Variants in GTPBP6 observed in about 807,000 individuals in gnomAD.
The protein encoded by GTPBP6 is GTP binding protein 6.
GTPBP6 carries 33 observed loss-of-function variants against 28.9 expected under a neutral mutation model. That is an observed-to-expected ratio of 1.14 (90% CI 0.87 to 1.53). The LOEUF is 1.53. Ranked by LOEUF, GTPBP6 falls within the 40% of genes most tolerant of loss-of-function variation. GTPBP6 has a pLI of 0.00. For missense variants in GTPBP6, 507 were observed against 408.3 expected (o/e 1.24, Z -2.08); for synonymous variants, 231 against 192.7 (o/e 1.20, Z -1.65).
At chrX:314,718 C>G (rs1196930438) in intron 4 of GTPBP6, among the ~76,000 whole-genome samples, 172 bp downstream of exon 4, 1 of 151,964 alleles carries the variant, frequency 6.6e-6, no homozygotes, top group Admixed American at 6.6e-5. Flanking sequence ...CCTCGTGATC[C>G]GCCCACCTCG....
rs375336235 is a variant in GTPBP6 at position 305,141 on chromosome X, G to A, written c.1484C>T (p.Ala495Val). The A allele has an allele frequency of 7.8e-4, 1,265 of 1,613,470 alleles. 9 individuals are homozygous for A. In the African/African-American group the frequency reaches 0.015, roughly 19 times the overall value. Residue 495 changes from alanine to valine, a missense_variant, in exon 10 of 10, where the codon GCG (alanine) becomes GTG (valine). Transcript: ENST00000326153. Reference sequence around the variant, plus strand: ...GCTGATGATGACCCTCACGTCGGCCGCCCCGTCCTCAGGGATCACGTCCAC... The same window carrying A: ...GCTGATGATGACCCTCACGTCGGCCACCCCGTCCTCAGGGATCACGTCCAC...
At chrX:318,164 G>T (rs2070475061) in intron 1 of GTPBP6, among the ~76,000 whole-genome samples, 1 of 143,646 alleles carries the variant, frequency 7.0e-6, no homozygotes, top group African/African-American at 2.6e-5. Flanking sequence ...CTCTACCTAT[G>T]AGCCTCCCCA....
chrX:307,737 C>A (rs749017291), exon 8 of GTPBP6: 3 of 1,480,296 alleles, frequency 2.0e-6, no homozygotes, highest in Middle Eastern at 2.5e-4. Context: ...CTCACCCGGG[C>A]ACGAGGTCCA....
At chrX:314,721 C>T (rs1463689068) in intron 4 of GTPBP6, among the ~76,000 whole-genome samples, 169 bp downstream of exon 4, 6 of 151,986 alleles carry the variant, frequency 3.9e-5, no homozygotes, top group African/African-American at 1.5e-4. Context: ...CGTGATCCGC[C>T]CACCTCGGCC....
At chrX:311,806 G>A (rs1295620395) in intron 6 of GTPBP6, 179 bp from the exon 7 acceptor site, 30 of 626,056 alleles carry the variant, frequency 4.8e-5, no homozygotes, top group South Asian at 3.0e-4. Context: ...CAAAGCCACC[G>A]TCGCTGTTCT....
intron 4 of GTPBP6, among the ~76,000 whole-genome samples, 170 bp downstream of exon 4, chrX:314,719 GC>G (rs1210855919): frequency 1.3e-5 from 2 of 151,906 alleles, no homozygotes; most frequent in Admixed American, 6.6e-5. Context: ...CTCGTGATCC[GC>G]CCACCTCGGC....
At chrX:316,567 G>A (rs2070444558) in intron 2 of GTPBP6, among the ~76,000 whole-genome samples, 1 of 152,206 alleles carries the variant, frequency 6.6e-6, no homozygotes, top group Non-Finnish European at 1.5e-5. Flanking sequence ...GACTGCTGGT[G>A]GGGTGGGGGT....
At chrX:314,593 C>G (rs1303070912) in intron 4 of GTPBP6, among the ~76,000 whole-genome samples, 1 of 152,052 alleles carries the variant, frequency 6.6e-6, no homozygotes, top group Non-Finnish European at 1.5e-5. Context: ...CTGCCTCAGC[C>G]TCCTGAGTAG....
chrX:307,859 C>T (rs774551904), exon 8 of GTPBP6: 4 of 1,536,518 alleles, frequency 2.6e-6, no homozygotes, highest in Admixed American at 2.2e-5. Context: ...TGGCTGACGT[C>T]CCTCACGTGC....
intron 2 of GTPBP6, among the ~76,000 whole-genome samples, chrX:316,278 G>A (rs1301985728): frequency 5.4e-5 from 1 of 18,412 alleles, no homozygotes; most frequent in African/African-American, 1.5e-4. Flanking sequence ...CACACACACA[G>A]TAAATACATC....
At chrX:305,022 C>T in exon 10 of GTPBP6, 1 of 1,600,900 alleles carries the variant, frequency 6.2e-7, no homozygotes, top group Non-Finnish European at 8.5e-7. Flanking sequence ...GGTAACGCCT[C>T]AGCTCCCCAG....
chrX:308,731 ACT>A (rs2070224337), intron 7 of GTPBP6, among the ~76,000 whole-genome samples: 1 of 128,902 alleles, frequency 7.8e-6, no homozygotes, highest in African/African-American at 3.1e-5. Flanking sequence ...GGAAAGTTTT[ACT>A]TTTTTTTTTT....
chrX:314,219 T>C lies in GTPBP6; in HGVS notation c.690-2A>G, dbSNP rs189529882. 6.2e-7 allele frequency: 1 copy of C among 1,612,862 alleles called. No individual in the cohort carries two copies. The highest frequency in any genetic ancestry group is 1.3e-5 in the African/African-American group (1 of 75,016). ...GCGACGTCCCTTTTCAAGTTCGACC[T>C]GGTGTGGGAACGGGAGTGGCTCGGT... On this transcript the variant is annotated splice_acceptor_variant, in intron 4 of 9. Transcript: ENST00000326153. LOFTEE classifies it high-confidence loss of function.
chrX:311,528 AGCGTGCCCGCGTGGGC>A lies in GTPBP6; in HGVS notation c.1000_1015del (p.Ala334CysfsTer5), dbSNP rs1208887803. 6.2e-7 allele frequency: 1 copy of A among 1,612,214 alleles called. No homozygotes were observed. Among genetic ancestry groups the A allele is most frequent in the Non-Finnish European group, 8.5e-7 (1 of 1,179,442 alleles). On this transcript the variant is annotated frameshift_variant, in exon 7 of 10. Coordinates refer to ENST00000326153, the Ensembl canonical transcript of GTPBP6. LOFTEE classifies it high-confidence loss of function. Reference sequence around the variant, plus strand: ...GTACAGGACGGTCATGCGTGAGGGCAGCGTGCCCGCGTGGGCCGTGACGTCCAGCGTGGCAAACAGC... The same window carrying A: ...GTACAGGACGGTCATGCGTGAGGGCACGTGACGTCCAGCGTGGCAAACAGC...
At chrX:305,973 C>A (rs1371670490) in intron 9 of GTPBP6, among the ~76,000 whole-genome samples, 1 of 152,066 alleles carries the variant, frequency 6.6e-6, no homozygotes, top group African/African-American at 2.4e-5. Flanking sequence ...TGTTGCCCAG[C>A]CTGGCCTCAA....
exon 9 of GTPBP6, chrX:307,402 T>C (rs771606650): frequency 1.9e-6 from 3 of 1,612,646 alleles, no homozygotes; most frequent in East Asian, 2.2e-5. Flanking sequence ...AGTGAGGATC[T>C]GTCTCCCCGT....
chrX:307,371 C>A (rs1285410201), exon 9 of GTPBP6: 19 of 1,612,232 alleles, frequency 1.2e-5, no homozygotes, highest in Non-Finnish European at 1.6e-5. Flanking sequence ...TGAGCTGCGC[C>A]CCTGCGAGCC....
chrX:309,695 C>A (rs2070245323), intron 7 of GTPBP6, among the ~76,000 whole-genome samples: 1 of 149,778 alleles, frequency 6.7e-6, no homozygotes, highest in Admixed American at 6.7e-5. Context: ...CCCCCAGGAG[C>A]TGGGAGAGGC....
intron 9 of GTPBP6, among the ~76,000 whole-genome samples, chrX:305,401 A>G (rs1223007520): frequency 6.8e-6 from 1 of 148,094 alleles, no homozygotes; most frequent in Non-Finnish European, 1.5e-5. Context: ...AGCTCACTGC[A>G]AGCTCCACCT....
Sources: allele counts gnomAD v4.1 joint callset (sites outside exome capture counted in the v4.1 genomes callset), GRCh38; gene constraint gnomAD v4.1.1; transcripts MANE v1.5; gene names NCBI Gene and HGNC (gene_info 2026-07-23, HGNC 2026-07-21).